SYNGR1: variants seen among roughly 807,000 people sequenced by gnomAD.
SYNGR1 encodes synaptogyrin-1.
In SYNGR1, 14 loss-of-function variants were observed where a neutral mutation model predicts 26.1. The observed-to-expected ratio is 0.54, with a 90% CI of 0.35 to 0.84. SYNGR1 has a LOEUF of 0.84. SYNGR1 is among the 40% of genes least tolerant of loss of function. The pLI is 0.01. For synonymous variants in SYNGR1, 141 were observed against 150.1 expected (o/e 0.94, Z 0.44); for missense variants, 319 against 332.9 (o/e 0.96, Z 0.33).
rs1044479449 is a variant in SYNGR1 at position 39,382,893 on chromosome 22, C to T, written c.*979C>T. 6.6e-6 allele frequency: 1 copy of T among 152,408 alleles called. No individual in the cohort carries two copies. The highest frequency in any genetic ancestry group is 2.4e-5 in the African/African-American group (1 of 41,452). The allele number at this position is 152,408 out of a possible 1,614,324, so 9.4% of individuals were successfully genotyped here. On this transcript the variant is annotated 3_prime_UTR_variant, in exon 4 of 4. Coordinates refer to ENST00000328933, the MANE Select transcript of SYNGR1 (RefSeq NM_004711.5). ...AACCCCTTCGTGGTCTCTCAAAGGA[C>T]TGATCACTGTCCTTGCCTCTAGGAG...
At chr22:39,363,009 C>A (rs1924560955) in intron 1 of SYNGR1, among the ~76,000 whole-genome samples, 1 of 152,150 alleles carries the variant, frequency 6.6e-6, no homozygotes, top group African/African-American at 2.4e-5. Flanking sequence ...TACCTTAGAT[C>A]TGGAGTCTGG....
chr22:39,381,897 C>T lies in SYNGR1; in HGVS notation c.685C>T (p.Gln229Ter), dbSNP rs751022013. The change falls in exon 4 of 4, where the codon CAG becomes TAG. Residue 229 changes from glutamine (Q) to a stop codon, truncating the protein, a stop_gained. Coordinates refer to ENST00000328933, the MANE Select transcript of SYNGR1 (RefSeq NM_004711.5). LOFTEE classifies it high-confidence loss of function. ...CTTCGACACCGAGCCCCAGGGCTAC[C>T]AGTCGCAGGGCTACTGAGCCACAGT... ...NTFDTEPQGY[Q>*]SQGY 12 of 1,611,942 alleles carry T rather than the reference C, an allele frequency of 7.4e-6. No homozygotes were observed. The highest frequency in any genetic ancestry group is 1.7e-6 in the Non-Finnish European group (2 of 1,179,568).
At chr22:39,377,100 A>G in intron 3 of SYNGR1, 1 of 1,545,130 alleles carries the variant, frequency 6.5e-7, no homozygotes, top group Non-Finnish European at 8.7e-7. Flanking sequence ...ACCGGCGAGC[A>G]CTTCTGGGCC....
intron 1 of SYNGR1, among the ~76,000 whole-genome samples, chr22:39,370,667 G>T (rs976687544): frequency 9.3e-5 from 14 of 150,762 alleles, no homozygotes; most frequent in African/African-American, 2.7e-4. Context: ...CTGTCGGCTG[G>T]AGTGCAGTGA....
intron 1 of SYNGR1, among the ~76,000 whole-genome samples, chr22:39,358,494 C>G (rs1924288828): frequency 1.3e-5 from 2 of 152,220 alleles, no homozygotes; most frequent in Admixed American, 1.3e-4. Context: ...GTAACACTCA[C>G]CGCGAAGGTC....
At chr22:39,368,856 G>A (rs1924892170) in intron 1 of SYNGR1, among the ~76,000 whole-genome samples, 1 of 152,234 alleles carries the variant, frequency 6.6e-6, no homozygotes, top group Admixed American at 6.5e-5. Flanking sequence ...GGCCTTCCTG[G>A]TGTTATTCCT....
At chr22:39,373,641 C>T (rs879420570) in intron 1 of SYNGR1, among the ~76,000 whole-genome samples, 5 of 151,914 alleles carry the variant, frequency 3.3e-5, no homozygotes, top group Non-Finnish European at 7.4e-5. Context: ...ACCACCATAC[C>T]TGGGTAATTT....
intron 1 of SYNGR1, among the ~76,000 whole-genome samples, chr22:39,358,410 A>G (rs558601737): frequency 6.6e-6 from 1 of 152,308 alleles, no homozygotes; most frequent in African/African-American, 2.4e-5. Context: ...TCAGTTCCAA[A>G]GCTTTGTTCG....
In SYNGR1 at chr22:39,358,986, A is replaced by C. The variant is rs113333065; in HGVS notation, c.99+8877A>C. Among the ~76,000 whole-genome samples the C allele has an allele frequency of 2.4e-3, 362 of 152,362 alleles. 2 individuals are homozygous for C. Among genetic ancestry groups the C allele is most frequent in the African/African-American group, 8.4e-3 (350 of 41,590 alleles). ...CCCAAGCTGTCAAACCCAAGCTGCA[A>C]TCATGCAGGAGCTTTAACAAGTTGG... On this transcript the variant is annotated intron_variant, in intron 1 of 3. Coordinates refer to ENST00000328933, the MANE Select transcript of SYNGR1 (RefSeq NM_004711.5).
chr22:39,366,796 G>A (rs1044500610), intron 1 of SYNGR1, among the ~76,000 whole-genome samples: 1 of 152,144 alleles, frequency 6.6e-6, no homozygotes, highest in Non-Finnish European at 1.5e-5. Context: ...TCTCTCCATA[G>A]CAGCCGGTCT....
Position 39,374,429 on chromosome 22 carries a change from C to T in SYNGR1, c.213C>T (p.Gly71=), listed in dbSNP as rs371659731. 2.9e-5 allele frequency: 47 copies of T among 1,613,896 alleles called. No homozygotes were observed. Among genetic ancestry groups the T allele is most frequent in the South Asian group, 2.9e-4 (26 of 91,092 alleles). Residue 71 remains glycine (G), a synonymous_variant, in exon 2 of 4, where the codon GGC becomes GGT. Transcript: ENST00000328933. ...YNRNPNACSY[G]VAVGVLAFLT... ...GCAACCCCAACGCCTGCAGCTATGG[C>T]GTGGCCGTGGGCGTGCTCGCCTTCC...
intron 1 of SYNGR1, among the ~76,000 whole-genome samples, chr22:39,372,655 G>A (rs546673014): frequency 1.3e-5 from 2 of 151,732 alleles, no homozygotes; most frequent in South Asian, 4.2e-4. Flanking sequence ...TTTTAGTAGA[G>A]ACAGGGTTTC....
intron 1 of SYNGR1, among the ~76,000 whole-genome samples, chr22:39,371,677 G>A (rs77013320): frequency 0.014 from 2,074 of 151,570 alleles, 31 homozygotes; most frequent in East Asian, 0.038. Context: ...CTATAGTCCC[G>A]GCTACTCAGG....
intron 1 of SYNGR1, among the ~76,000 whole-genome samples, chr22:39,353,933 G>A (rs1362526084): frequency 1.3e-5 from 2 of 152,104 alleles, no homozygotes; most frequent in African/African-American, 4.8e-5. Context: ...GCGCGATCTT[G>A]GCTCACTGCA....
Position 39,369,558 on chromosome 22 carries a change from AG to A in SYNGR1, c.100-4756del, listed in dbSNP as rs200143929. Among the ~76,000 whole-genome samples, 1,069 of 152,244 alleles carry A rather than the reference AG, an allele frequency of 7.0e-3. 12 individuals are homozygous for A. Among genetic ancestry groups the A allele is most frequent in the Non-Finnish European group, 8.1e-3 (553 of 68,004 alleles). ...TCCCTTCTTCAGGGCCCACCTCCAG[AG>A]GCTGAGAGTCAGCTTGGCCAGGTGG... is the stretch of plus-strand genomic sequence containing the variant. On this transcript the variant is annotated intron_variant, in intron 1 of 3. Transcript: ENST00000328933.
intron 1 of SYNGR1, among the ~76,000 whole-genome samples, chr22:39,365,611 A>AC (rs1924706428): frequency 6.6e-6 from 1 of 151,632 alleles, no homozygotes; most frequent in African/African-American, 2.4e-5. Flanking sequence ...GAGAAGTTAA[A>AC]CCCTTGACAC....
chr22:39,365,444 G>A lies in SYNGR1; in HGVS notation c.100-8872G>A, dbSNP rs114083185. The stretch of plus-strand genomic sequence containing the variant: ...AAATGGGAATAAGAATATTGAGCTG[G>A]TGGAGTGAAGAGCATACATTTCTGG... On this transcript the variant is annotated intron_variant, in intron 1 of 3. Coordinates refer to ENST00000328933, the MANE Select transcript of SYNGR1 (RefSeq NM_004711.5). Among the ~76,000 whole-genome samples the A allele has an allele frequency of 7.0e-3, 1,066 of 152,304 alleles. 15 individuals are homozygous for A. Among genetic ancestry groups the A allele is most frequent in the African/African-American group, 0.024 (987 of 41,558 alleles).
At chr22:39,360,849 G>T (rs2049986) in intron 1 of SYNGR1, among the ~76,000 whole-genome samples, 2 of 152,046 alleles carry the variant, frequency 1.3e-5, no homozygotes, top group Admixed American at 1.3e-4. Context: ...AATGCTGAAA[G>T]GCCTGGCAGA....
intron 1 of SYNGR1, among the ~76,000 whole-genome samples, chr22:39,364,908 C>T (rs1924662196): frequency 6.6e-6 from 1 of 152,154 alleles, no homozygotes; most frequent in South Asian, 2.1e-4. Flanking sequence ...CACCAAGCGC[C>T]ATCTGGAATC....
Sources: gnomAD v4.1 joint callset for allele counts (sites outside exome capture counted in the v4.1 genomes callset) on GRCh38, gnomAD v4.1.1 for gene constraint, MANE v1.5 for transcripts, NCBI Gene and HGNC (gene_info 2026-07-23, HGNC 2026-07-21) for gene names.